Variants in RRM2 observed in about 807,000 individuals in gnomAD.
RRM2 encodes the protein ribonucleoside-diphosphate reductase subunit M2.
RRM2 carries 6 observed loss-of-function variants against 45.9 expected under a neutral mutation model. That is an observed-to-expected ratio of 0.13 (90% CI 0.07 to 0.26). The LOEUF (loss-of-function observed/expected upper bound fraction) is 0.26. Ranked by LOEUF, RRM2 falls within the 10% of genes least tolerant of loss-of-function variation. RRM2 has a pLI of 1.00. For missense variants in RRM2, 343 were observed against 489.5 expected, an observed-to-expected ratio of 0.70 and a Z score of 2.82; for synonymous variants, 177 against 173.0, an observed-to-expected ratio of 1.02 and a Z score of -0.18.
intron 3 of RRM2, among the ~76,000 whole-genome samples, chr2:10,150,773 T>TTTTG (rs1281356336): frequency 2.2e-5 from 3 of 137,240 alleles, no homozygotes; most frequent in African/African-American, 6.1e-5. Context: ...TGTGTTGTGT[T>TTTTG]TTTTTTTTTT....
At chr2:10,203,301 C>T (rs1157899800) in intron 3 of RRM2, among the ~76,000 whole-genome samples, 2 of 152,226 alleles carry the variant, frequency 1.3e-5, no homozygotes, top group Non-Finnish European at 2.9e-5. Flanking sequence ...CTCGGGCTGG[C>T]CTGGCTGCTC....
intron 3 of RRM2, among the ~76,000 whole-genome samples, chr2:10,192,931 A>G (rs1245424602): frequency 2.0e-5 from 3 of 152,094 alleles, no homozygotes; most frequent in Admixed American, 6.5e-5. Context: ...TCTGACCCGC[A>G]TGTCCCTTCT....
In RRM2 at chr2:10,128,967, G is replaced by T. The variant is rs1662841316; in HGVS notation, c.903+15G>T. 1.2e-6 allele frequency: 2 copies of T among 1,608,510 alleles called. No individual in the cohort carries two copies. Among genetic ancestry groups the T allele is most frequent in the African/African-American group, 2.7e-5 (2 of 74,806 alleles). On this transcript the variant is annotated intron_variant, in intron 8 of 9. Transcript: ENST00000304567. The stretch of plus-strand genomic sequence containing the variant: ...GGATAGAACAGGTAAAGTGGGTGAT[G>T]AAATGGGTCACTCAAGCTTGCTAGA...
intron 3 of RRM2, among the ~76,000 whole-genome samples, chr2:10,183,457 C>T: frequency 6.6e-6 from 1 of 152,224 alleles, no homozygotes; most frequent in East Asian, 1.9e-4. Flanking sequence ...GCCAGCCCGG[C>T]TCATCCCCTC....
At position 10,131,245 on chromosome 2, in the gene RRM2, G is replaced by A. The variant is rs1662895358; in HGVS notation, c.*1859G>A. ...CTTGCATTGTGAGGTACAGGCGGAA[G>A]TTGGAATCAGGTTTTAGGATTCTGT... On this transcript the variant is annotated 3_prime_UTR_variant, in exon 10 of 10. Transcript: ENST00000304567. The A allele has an allele frequency of 6.6e-6, 1 of 152,214 alleles. No homozygotes were observed. Among genetic ancestry groups the A allele is most frequent in the Non-Finnish European group, 1.5e-5 (1 of 68,040 alleles). 9.4% of individuals were successfully genotyped at this position (152,214 alleles called of 1,614,324 possible).
In RRM2 at chr2:10,199,513, G is replaced by A. The variant is rs1029919653; in HGVS notation, n.483-10798G>A. On this transcript the variant is annotated intron_variant and non_coding_transcript_variant, in intron 3 of 3. Coordinates refer to the RRM2 transcript ENST00000381786. Reference sequence around the variant, plus strand: ...GACAAATCATGGGGCCAGGTGTGGTGGCTCACACCTGTAATCCCAGCACTT... The same window carrying A: ...GACAAATCATGGGGCCAGGTGTGGTAGCTCACACCTGTAATCCCAGCACTT... 5.3e-5 allele frequency among the ~76,000 whole-genome samples: 8 copies of A among 151,932 alleles called. No homozygotes were observed. The East Asian group carries it at 5.8e-4, about 11-fold the overall frequency.
intron 3 of RRM2, among the ~76,000 whole-genome samples, chr2:10,181,603 C>T (rs1407152308): frequency 6.6e-6 from 1 of 151,932 alleles, no homozygotes. Flanking sequence ...AGAAATTTCC[C>T]TCTGAGTACT....
intron 3 of RRM2, among the ~76,000 whole-genome samples, chr2:10,145,038 A>G (rs1409670368): frequency 6.6e-6 from 1 of 152,102 alleles, no homozygotes; most frequent in African/African-American, 2.4e-5. Context: ...AGGGTAAGGG[A>G]TCTGTAGGAG....
chr2:10,177,881 C>A (rs2125324566), intron 3 of RRM2, among the ~76,000 whole-genome samples: 1 of 150,184 alleles, frequency 6.7e-6, no homozygotes, highest in African/African-American at 2.4e-5. Flanking sequence ...CTCAGCCTCA[C>A]AAAGTGCTGG....
chr2:10,128,306 G>A (rs1417446674), intron 7 of RRM2, among the ~76,000 whole-genome samples: 3 of 152,218 alleles, frequency 2.0e-5, no homozygotes, highest in Non-Finnish European at 4.4e-5. Flanking sequence ...AAAGCCAGGA[G>A]CATGAACTCC....
At chr2:10,170,630 T>G (rs1311642937) in intron 3 of RRM2, among the ~76,000 whole-genome samples, 1 of 152,024 alleles carries the variant, frequency 6.6e-6, no homozygotes, top group Non-Finnish European at 1.5e-5. Context: ...GGGACAGACA[T>G]CAGCCCCAGC....
At chr2:10,192,426 G>T (rs1237263550) in intron 3 of RRM2, among the ~76,000 whole-genome samples, 1 of 152,216 alleles carries the variant, frequency 6.6e-6, no homozygotes, top group African/African-American at 2.4e-5. Context: ...GCAGCTCGGG[G>T]AGCTCCAGCT....
intron 3 of RRM2, among the ~76,000 whole-genome samples, chr2:10,180,826 G>A (rs1322321171): frequency 6.6e-6 from 1 of 152,130 alleles, no homozygotes. Flanking sequence ...GAGTGCAGTG[G>A]CATGATTATG....
chr2:10,183,865 G>A (rs1004113902), intron 3 of RRM2, among the ~76,000 whole-genome samples: 9 of 151,230 alleles, frequency 6.0e-5, no homozygotes, highest in African/African-American at 1.5e-4. Flanking sequence ...CGAGGCGGGC[G>A]GATCATGACG....
At chr2:10,126,734 T>A in intron 5 of RRM2, 141 bp from the exon 6 acceptor site, 1 of 678,588 alleles carries the variant, frequency 1.5e-6, no homozygotes, top group South Asian at 1.9e-5. Context: ...AATAAAACAT[T>A]TCGGTGTGAG....
chr2:10,158,463 G>A lies in RRM2; in HGVS notation n.482+16088G>A, dbSNP rs117228707. Among the ~76,000 whole-genome samples the A allele has an allele frequency of 6.5e-4, 99 of 151,972 alleles. No individual in the cohort carries two copies. The East Asian group carries it at 0.018, about 28-fold the overall frequency. The stretch of plus-strand genomic sequence containing the variant: ...GAGATTAGGTGAGCAAAGGGGTCTT[G>A]GCCATGTCTTTCCATCTGAGGCACT... On this transcript the variant is annotated intron_variant and non_coding_transcript_variant, in intron 3 of 3. Coordinates refer to the RRM2 transcript ENST00000381786.
In RRM2 at chr2:10,172,869, C is replaced by T. The variant is rs1289192868; in HGVS notation, n.482+30494C>T. Among the ~76,000 whole-genome samples the T allele has an allele frequency of 2.0e-5, 3 of 152,220 alleles. No homozygotes were observed. The highest frequency in any genetic ancestry group is 4.4e-5 in the Non-Finnish European group (3 of 68,040). On this transcript the variant is annotated intron_variant and non_coding_transcript_variant, in intron 3 of 3. Coordinates refer to the RRM2 transcript ENST00000381786. The surrounding 1 kb of genome is among the most constrained non-coding windows in gnomAD (Gnocchi z 4.9). Reference sequence around the variant, plus strand: ...TGAGCAGGGGCCCGGTGTGACCACACGGATCCCATACCGGTGATGCCAACC... The same window carrying T: ...TGAGCAGGGGCCCGGTGTGACCACATGGATCCCATACCGGTGATGCCAACC...
Position 10,129,526 on chromosome 2 carries a change from C to T in RRM2, c.*140C>T. On this transcript the variant is annotated 3_prime_UTR_variant, in exon 10 of 10. Coordinates refer to ENST00000304567, the MANE Select transcript of RRM2 (RefSeq NM_001034.4). This position sits in a 1 kb window ranked among gnomAD's most constrained non-coding sequence, Gnocchi z 4.8. ...AGCATCTTTAAAACTGTGTAGCTAC[C>T]TCACAACCAGTCCTGTCTGTTTATA... The T allele has an allele frequency of 2.3e-6, 2 of 876,574 alleles. No individual in the cohort carries two copies. The highest frequency in any genetic ancestry group is 3.5e-6 in the Non-Finnish European group (2 of 567,730). 54.3% of individuals were successfully genotyped at this position (876,574 alleles called of 1,614,324 possible). A position where few individuals can be genotyped will look rare whatever the true frequency, so the allele number is the denominator to read the frequency against.
In RRM2 at chr2:10,178,367, C is replaced by T. The variant is rs527396003; in HGVS notation, n.483-31944C>T. On this transcript the variant is annotated intron_variant and non_coding_transcript_variant, in intron 3 of 3. Coordinates refer to the RRM2 transcript ENST00000381786. The stretch of plus-strand genomic sequence containing the variant: ...CCTCCCAAGTAGCTGGGACTACAGG[C>T]ACCTGCCACCATGCCTGGCTAATTT... Among the ~76,000 whole-genome samples the T allele has an allele frequency of 1.5e-4, 23 of 152,100 alleles. 1 individual carries two copies. Among genetic ancestry groups the T allele is most frequent in the African/African-American group, 5.3e-4 (22 of 41,482 alleles).
Sources: allele counts gnomAD v4.1 joint callset (sites outside exome capture counted in the v4.1 genomes callset), GRCh38; gene constraint gnomAD v4.1.1; non-coding constraint Gnocchi (gnomAD v3.1); transcripts MANE v1.5; gene names NCBI Gene and HGNC (gene_info 2026-07-23, HGNC 2026-07-21).